Variants in EYS observed in about 807,000 individuals in gnomAD.
EYS encodes protein eyes shut homolog.
A neutral mutation model predicts 282.1 loss-of-function variants in EYS; 250 were observed. The ratio of observed to expected loss-of-function variants is 0.89; its 90% confidence interval spans 0.80 to 0.98. The LOEUF (loss-of-function observed/expected upper bound fraction) is 0.98, where lower values mean the gene tolerates loss of function less well. Among genes scored for constraint, EYS ranks in the 50% least tolerant of loss-of-function variants. EYS has a pLI of 0.00. For missense variants in EYS, 4,016 were observed against 3,709.0 expected, an observed-to-expected ratio of 1.08 and a Z score of -2.15; for synonymous variants, 1,355 against 1,282.9, an observed-to-expected ratio of 1.06 and a Z score of -1.20.
At chr6:63,888,735 C>G (rs574464334) in intron 35 of EYS, among the ~76,000 whole-genome samples, 1 of 152,182 alleles carries the variant, frequency 6.6e-6, no homozygotes, top group African/African-American at 2.4e-5. Flanking sequence ...CTCTTCTCCC[C>G]CAAAGGATCA....
intron 12 of EYS, among the ~76,000 whole-genome samples, chr6:65,177,467 C>G (rs149730455): frequency 6.6e-6 from 1 of 151,686 alleles, no homozygotes; most frequent in Non-Finnish European, 1.5e-5. Flanking sequence ...GCAGTTGAGT[C>G]TTTTACTATA....
At position 63,879,750 on chromosome 6, in the gene EYS, C is replaced by T. The variant is rs981402300; in HGVS notation, c.7056-15392G>A. Among the ~76,000 whole-genome samples the T allele has an allele frequency of 3.3e-5, 5 of 152,078 alleles. No individual in the cohort carries two copies. The South Asian group carries it at 6.2e-4, about 19-fold the overall frequency. Reference sequence around the variant, plus strand: ...TGACTGAGTAGAAAGTATTTCAGCTCGTTTCCATACAACTGTTGTTATTGT... The same window carrying T: ...TGACTGAGTAGAAAGTATTTCAGCTTGTTTCCATACAACTGTTGTTATTGT... On this transcript the variant is annotated intron_variant, in intron 35 of 42. Coordinates refer to ENST00000503581, the MANE Select transcript of EYS (RefSeq NM_001142800.2).
intron 31 of EYS, among the ~76,000 whole-genome samples, chr6:64,107,517 C>CCT (rs1773070185): frequency 6.6e-6 from 1 of 151,498 alleles, no homozygotes; most frequent in South Asian, 2.1e-4. Context: ...TTTCTGCCTA[C>CCT]CTTATATGTG....
At chr6:64,050,328 A>C (rs1410218437) in intron 33 of EYS, among the ~76,000 whole-genome samples, 1 of 152,092 alleles carries the variant, frequency 6.6e-6, no homozygotes, top group African/African-American at 2.4e-5. Context: ...CATTTTTCAA[A>C]ATGACTAACT....
At chr6:63,769,722 C>T (rs1359848898) in intron 40 of EYS, among the ~76,000 whole-genome samples, 2 of 151,982 alleles carry the variant, frequency 1.3e-5, no homozygotes, top group Non-Finnish European at 2.9e-5. Context: ...TCCTAAATTG[C>T]AGATAAATTG....
intron 12 of EYS, among the ~76,000 whole-genome samples, chr6:65,132,774 CATT>C: frequency 6.6e-6 from 1 of 152,080 alleles, no homozygotes; most frequent in East Asian, 1.9e-4. Flanking sequence ...TTCAAACTAT[CATT>C]GTTAGCAGTC....
chr6:65,437,370 G>T (rs1042455931), intron 5 of EYS, among the ~76,000 whole-genome samples: 18 of 152,086 alleles, frequency 1.2e-4, no homozygotes, highest in Admixed American at 9.8e-4. Context: ...ATTCATGCAT[G>T]AACATTAACT....
At chr6:64,773,189 G>A (rs1224514153) in intron 22 of EYS, among the ~76,000 whole-genome samples, 2 of 151,684 alleles carry the variant, frequency 1.3e-5, no homozygotes, top group African/African-American at 4.8e-5. Flanking sequence ...GTTTTCATAT[G>A]TACTCAATGT....
At chr6:65,601,520 A>G (rs993693752) in intron 2 of EYS, among the ~76,000 whole-genome samples, 99 of 151,850 alleles carry the variant, frequency 6.5e-4, no homozygotes, top group African/African-American at 2.2e-3. Flanking sequence ...AATATCGATA[A>G]TAAGAAATGG....
intron 2 of EYS, among the ~76,000 whole-genome samples, chr6:65,559,474 G>A (rs1321954874): frequency 2.0e-5 from 3 of 152,086 alleles, no homozygotes; most frequent in Non-Finnish European, 4.4e-5. Flanking sequence ...TTTTCTGCAG[G>A]TACAGAAATG....
At chr6:63,757,277 G>A (rs529689920) in intron 41 of EYS, among the ~76,000 whole-genome samples, 2 of 152,140 alleles carry the variant, frequency 1.3e-5, no homozygotes, top group African/African-American at 4.8e-5. Context: ...TTGACATAAG[G>A]ACTGAAAGAT....
At chr6:64,790,837 A>G (rs539785780) in intron 22 of EYS, among the ~76,000 whole-genome samples, 1 of 151,950 alleles carries the variant, frequency 6.6e-6, no homozygotes, top group South Asian at 2.1e-4. Context: ...CAGAAGCATT[A>G]TTTTTTCTTA....
At chr6:65,676,593 G>A (rs1026588723) in intron 1 of EYS, among the ~76,000 whole-genome samples, 2 of 151,636 alleles carry the variant, frequency 1.3e-5, no homozygotes, top group African/African-American at 4.8e-5. Context: ...ATAAAGTCTA[G>A]GACTAGATGG....
chr6:64,241,107 T>C (rs1766812432), intron 30 of EYS, among the ~76,000 whole-genome samples: 1 of 151,140 alleles, frequency 6.6e-6, no homozygotes, highest in Non-Finnish European at 1.5e-5. Flanking sequence ...GCCGACTTGG[T>C]TGGATAAGCT....
At chr6:63,829,435 G>A (rs1429165435) in intron 36 of EYS, among the ~76,000 whole-genome samples, 1 of 152,188 alleles carries the variant, frequency 6.6e-6, no homozygotes, top group African/African-American at 2.4e-5. Flanking sequence ...TGGATTGGAG[G>A]GTCCCACGCC....
At chr6:65,082,279 C>T (rs1188537261) in intron 12 of EYS, among the ~76,000 whole-genome samples, 1 of 152,030 alleles carries the variant, frequency 6.6e-6, no homozygotes, top group South Asian at 2.1e-4. Flanking sequence ...TATATCTCAA[C>T]CTCTCTAATG....
At chr6:65,144,910 T>C (rs140088011) in intron 12 of EYS, among the ~76,000 whole-genome samples, 72 of 151,900 alleles carry the variant, frequency 4.7e-4, no homozygotes, top group East Asian at 3.9e-4. Context: ...GTTGGGATTA[T>C]AGGCATGCCC....
intron 26 of EYS, among the ~76,000 whole-genome samples, chr6:64,470,578 C>T (rs904942569): frequency 6.6e-6 from 1 of 150,494 alleles, no homozygotes; most frequent in Admixed American, 6.6e-5. Flanking sequence ...ATAAAATACA[C>T]TAACTATAGC....
intron 14 of EYS, among the ~76,000 whole-genome samples, chr6:64,990,593 T>C (rs1343628954): frequency 2.6e-5 from 4 of 151,676 alleles, no homozygotes; most frequent in African/African-American, 9.7e-5. Flanking sequence ...TTTTTTAAGC[T>C]AGATAATTTC....
Sources: gnomAD v4.1 joint callset for allele counts (sites outside exome capture counted in the v4.1 genomes callset) on GRCh38, gnomAD v4.1.1 for gene constraint, MANE v1.5 for transcripts, NCBI Gene and HGNC (gene_info 2026-07-23, HGNC 2026-07-21) for gene names.